SHISA9: variants seen among roughly 807,000 people sequenced by gnomAD.
SHISA9 encodes shisa family member 9.
In SHISA9, 13 loss-of-function variants were observed where a neutral mutation model predicts 38.0. The ratio of observed to expected loss-of-function variants is 0.34; its 90% CI spans 0.22 to 0.54. SHISA9 has a LOEUF of 0.54. SHISA9 is among the 20% of genes least tolerant of loss of function. The pLI is 0.91. For missense variants in SHISA9, 538 were observed against 575.8 expected, an observed-to-expected ratio of 0.93 and a Z score of 0.67; for synonymous variants, 275 against 242.0, an observed-to-expected ratio of 1.14 and a Z score of -1.27.
At chr16:13,429,010 G>C in the SHISA9 span, among the ~76,000 whole-genome samples, 2 of 151,960 alleles carry the variant, frequency 1.3e-5, no homozygotes, top group Non-Finnish European at 2.9e-5. Flanking sequence ...CAAGTTATCT[G>C]CCCGCCTCAG....
At chr16:13,413,191 G>A in the SHISA9 span, among the ~76,000 whole-genome samples, 1 of 152,232 alleles carries the variant, frequency 6.6e-6, no homozygotes, top group East Asian at 1.9e-4. Flanking sequence ...ACCACCATTA[G>A]GGTCTTCGAA....
intron 2 of SHISA9, among the ~76,000 whole-genome samples, chr16:12,941,905 A>G (rs1251775406): frequency 6.6e-6 from 1 of 152,242 alleles, no homozygotes; most frequent in Non-Finnish European, 1.5e-5. Context: ...CTGTTGTGCT[A>G]TCAAATACTA....
At chr16:13,177,656 T>TTTTG (rs958558614) in intron 2 of SHISA9, among the ~76,000 whole-genome samples, 158 of 151,614 alleles carry the variant, frequency 1.0e-3, no homozygotes, top group Middle Eastern at 3.4e-3. Context: ...TTCACGGTGT[T>TTTTG]TTTGTTTGTT....
chr16:12,966,543 C>T (rs1372232049), intron 2 of SHISA9, among the ~76,000 whole-genome samples: 1 of 152,190 alleles, frequency 6.6e-6, no homozygotes, highest in African/African-American at 2.4e-5. Context: ...GTGTGAGCCA[C>T]TGTGCCCAGC....
chr16:13,437,954 T>G, the SHISA9 span, among the ~76,000 whole-genome samples: 1 of 151,534 alleles, frequency 6.6e-6, no homozygotes, highest in Non-Finnish European at 1.5e-5. Context: ...CCACCTCTGC[T>G]TCCTGGGTTA....
At chr16:13,078,041 T>A (rs773552039) in intron 2 of SHISA9, among the ~76,000 whole-genome samples, 1 of 152,170 alleles carries the variant, frequency 6.6e-6, no homozygotes, top group Non-Finnish European at 1.5e-5. Flanking sequence ...ACCACAGTGA[T>A]AATAATAAAC....
chr16:13,367,814 A>C, the SHISA9 span, among the ~76,000 whole-genome samples: 1 of 151,920 alleles, frequency 6.6e-6, no homozygotes, highest in African/African-American at 2.4e-5. Flanking sequence ...GGCATTCCAC[A>C]GTCTTCCAGG....
chr16:13,388,024 C>A, the SHISA9 span, among the ~76,000 whole-genome samples: 2 of 152,148 alleles, frequency 1.3e-5, no homozygotes, highest in African/African-American at 4.8e-5. Flanking sequence ...CTTCTACAAG[C>A]CTTGGTATTT....
chr16:12,927,327 A>G (rs1401053894), intron 2 of SHISA9, among the ~76,000 whole-genome samples: 1 of 152,208 alleles, frequency 6.6e-6, no homozygotes, highest in Non-Finnish European at 1.5e-5. Context: ...ACTTAAACTC[A>G]TTACTTTAGG....
chr16:12,910,717 C>G, intron 1 of SHISA9: 3 of 985,212 alleles, frequency 3.0e-6, no homozygotes, highest in South Asian at 9.4e-5. Context: ...TTAGCTTCTT[C>G]TTCAGGTAAC....
the SHISA9 span, among the ~76,000 whole-genome samples, chr16:13,348,435 T>G: frequency 6.6e-6 from 1 of 151,968 alleles, no homozygotes; most frequent in Non-Finnish European, 1.5e-5. Flanking sequence ...GTGCTAAGCA[T>G]CTCACATGAG....
At chr16:13,159,808 C>T (rs1408515385) in intron 2 of SHISA9, among the ~76,000 whole-genome samples, 3 of 152,204 alleles carry the variant, frequency 2.0e-5, no homozygotes, top group Non-Finnish European at 4.4e-5. Context: ...ATGATTAATT[C>T]CGCAGAAACT....
intron 2 of SHISA9, among the ~76,000 whole-genome samples, chr16:13,171,399 G>A (rs1372859968): frequency 6.6e-6 from 1 of 151,734 alleles, no homozygotes; most frequent in Non-Finnish European, 1.5e-5. Flanking sequence ...AGAGACTGGC[G>A]TGAAGTTGCA....
At chr16:12,961,381 G>A (rs1383243433) in intron 2 of SHISA9, among the ~76,000 whole-genome samples, 1 of 152,186 alleles carries the variant, frequency 6.6e-6, no homozygotes, top group African/African-American at 2.4e-5. Flanking sequence ...GAGATCCATG[G>A]AAGGAATTTG....
chr16:13,235,318 G>T lies in SHISA9; in HGVS notation c.1184G>T (p.Gly395Val). 1.3e-6 allele frequency: 2 copies of T among 1,549,194 alleles called. No individual in the cohort carries two copies. The highest frequency in any genetic ancestry group is 1.7e-6 in the Non-Finnish European group (2 of 1,146,992). The change falls in exon 5 of 5, where the codon GGC becomes GTC. Residue 395 changes from glycine to valine, a missense_variant. Transcript: ENST00000558583. ...NKGKLGTAET[G>V]SSDPLGTRPQ... ...GGCAAGCTTGGCACGGCCGAGACAG[G>T]CTCCAGCGACCCCTTGGGAACTCGC...
chr16:13,178,887 G>A (rs2050754604), intron 2 of SHISA9, among the ~76,000 whole-genome samples: 1 of 152,028 alleles, frequency 6.6e-6, no homozygotes, highest in African/African-American at 2.4e-5. Flanking sequence ...GCCCTATTTA[G>A]TAATAATATC....
chr16:13,151,969 G>A (rs890897320), intron 2 of SHISA9, among the ~76,000 whole-genome samples: 2 of 152,194 alleles, frequency 1.3e-5, no homozygotes, highest in African/African-American at 2.4e-5. Context: ...ATGAATGAAT[G>A]GACAGAAACT....
the SHISA9 span, among the ~76,000 whole-genome samples, chr16:13,556,417 T>C: frequency 6.6e-6 from 1 of 152,098 alleles, no homozygotes; most frequent in Non-Finnish European, 1.5e-5. Context: ...AACAATCAGC[T>C]TGGGAGGCCG....
intron 2 of SHISA9, among the ~76,000 whole-genome samples, chr16:12,967,885 AT>A (rs2072000726): frequency 6.6e-6 from 1 of 152,076 alleles, no homozygotes; most frequent in Admixed American, 6.6e-5. Flanking sequence ...TTACCAGGAG[AT>A]CTTTAAAAAA....
Sources: allele counts gnomAD v4.1 joint callset (sites outside exome capture counted in the v4.1 genomes callset), GRCh38; gene constraint gnomAD v4.1.1; transcripts MANE v1.5; gene names NCBI Gene and HGNC (gene_info 2026-07-23, HGNC 2026-07-21).